Variants in CALB2 observed in about 807,000 individuals in gnomAD.
CALB2 encodes calretinin.
Under a neutral mutation model 45.9 loss-of-function variants are expected in CALB2, and 34 were observed. The observed-to-expected ratio is 0.74, with a 90% CI of 0.56 to 0.99. CALB2 has a LOEUF of 0.99. Ranked by LOEUF, CALB2 falls within the 50% of genes least tolerant of loss-of-function variation. CALB2 has a pLI of 0.00. For missense variants in CALB2, 344 were observed against 339.3 expected (o/e 1.01, Z -0.11); for synonymous variants, 142 against 129.6 (o/e 1.10, Z -0.65).
At chr16:71,360,878 T>G (rs2042231670) in intron 1 of CALB2, among the ~76,000 whole-genome samples, 2 of 152,180 alleles carry the variant, frequency 1.3e-5, no homozygotes, top group Non-Finnish European at 2.9e-5. Context: ...CCAGCGTTTA[T>G]TCTCCCACTC....
intron 3 of CALB2, among the ~76,000 whole-genome samples, chr16:71,375,104 G>C (rs1204223644): frequency 2.0e-5 from 3 of 152,236 alleles, no homozygotes; most frequent in African/African-American, 7.2e-5. Context: ...AAGTGGCAAG[G>C]CCAGCTGAAG....
At chr16:71,388,100 C>T (rs1451555176) in intron 10 of CALB2, among the ~76,000 whole-genome samples, 1 of 151,976 alleles carries the variant, frequency 6.6e-6, no homozygotes, top group Non-Finnish European at 1.5e-5. Flanking sequence ...TTCTTATTAG[C>T]AGAATGGAGA....
At chr16:71,374,030 T>C (rs1359764749) in intron 2 of CALB2, among the ~76,000 whole-genome samples, 5 of 152,206 alleles carry the variant, frequency 3.3e-5, no homozygotes, top group African/African-American at 4.8e-5. Context: ...GGGCTCATCA[T>C]TGATTAGGGA....
At chr16:71,384,494 C>G (rs951869029) in intron 8 of CALB2, 116 bp downstream of exon 8, 2 of 861,234 alleles carry the variant, frequency 2.3e-6, no homozygotes, top group African/African-American at 1.7e-5. Flanking sequence ...ACACACCACA[C>G]ACACACAAAA....
At chr16:71,360,919 A>T (rs1460778126) in intron 1 of CALB2, among the ~76,000 whole-genome samples, 2 of 152,128 alleles carry the variant, frequency 1.3e-5, no homozygotes, top group African/African-American at 4.8e-5. Context: ...GGTTTGGAAG[A>T]GGGTTTTTTT....
At chr16:71,377,510 A>G (rs1354576382) in intron 3 of CALB2, among the ~76,000 whole-genome samples, 157 bp from the exon 4 acceptor site, 1 of 152,144 alleles carries the variant, frequency 6.6e-6, no homozygotes, top group Non-Finnish European at 1.5e-5. Context: ...TTTCCCTTTG[A>G]AGGACTGCCA....
At chr16:71,382,158 A>AGGAAGGAAGGAAGGAAGGAAGG (rs1315524747) in intron 4 of CALB2, among the ~76,000 whole-genome samples, 56 of 52,794 alleles carry the variant, frequency 1.1e-3, no homozygotes, top group African/African-American at 3.8e-3. Context: ...GAAGGAAAGA[A>AGGAAGGAAGGAAGGAAGGAAGG]AATAAAGGAA....
At chr16:71,369,082 C>T (rs2042317688) in intron 1 of CALB2, among the ~76,000 whole-genome samples, 1 of 152,166 alleles carries the variant, frequency 6.6e-6, no homozygotes, top group African/African-American at 2.4e-5. Flanking sequence ...CCTCTGCTCC[C>T]CTAAATCTTT....
chr16:71,380,371 C>T (rs182556285), intron 4 of CALB2, among the ~76,000 whole-genome samples: 2 of 120,740 alleles, frequency 1.7e-5, no homozygotes, highest in African/African-American at 3.1e-5. Context: ...TGCAATGGTG[C>T]GATCTCAGCT....
intron 1 of CALB2, among the ~76,000 whole-genome samples, chr16:71,359,830 G>A (rs2144944499): frequency 6.6e-6 from 1 of 152,336 alleles, no homozygotes; most frequent in African/African-American, 2.4e-5. Flanking sequence ...CACAGACCTG[G>A]CTAAGATGAG....
chr16:71,367,347 G>A (rs1233867799), intron 1 of CALB2, among the ~76,000 whole-genome samples: 2 of 152,130 alleles, frequency 1.3e-5, no homozygotes, highest in African/African-American at 2.4e-5. Context: ...TTGGTGACCA[G>A]TCACCCCACC....
intron 10 of CALB2, chr16:71,389,528 T>A (rs753553413): frequency 1.4e-6 from 1 of 708,004 alleles, no homozygotes; most frequent in South Asian, 1.4e-5. Flanking sequence ...CTCAGGAAGG[T>A]TGACTACCTT....
intron 1 of CALB2, among the ~76,000 whole-genome samples, chr16:71,367,762 A>C (rs2144959349): frequency 6.6e-6 from 1 of 152,288 alleles, no homozygotes; most frequent in Middle Eastern, 3.4e-3. Context: ...TACTGCATTG[A>C]ACCACATTTC....
intron 4 of CALB2, among the ~76,000 whole-genome samples, chr16:71,380,658 C>A (rs1230642215): frequency 1.3e-5 from 2 of 152,102 alleles, no homozygotes; most frequent in Non-Finnish European, 2.9e-5. Flanking sequence ...CCCAGCATAA[C>A]TGCAGAGGAG....
intron 10 of CALB2, 127 bp from the exon 11 acceptor site, chr16:71,389,622 T>G: frequency 2.6e-6 from 2 of 781,032 alleles, no homozygotes; most frequent in Non-Finnish European, 4.6e-6. Context: ...TGCATTCATC[T>G]AAGCCACTTA....
In CALB2 at chr16:71,375,739, G is replaced by A. The variant is rs139054027; in HGVS notation, c.261+905G>A. Reference sequence around the variant, plus strand: ...AGGGGATAGTGCTGTGCAAGGATGCGGTCTCAACTGGAGCCTCGCCTTGGC... The same window carrying A: ...AGGGGATAGTGCTGTGCAAGGATGCAGTCTCAACTGGAGCCTCGCCTTGGC... On this transcript the variant is annotated intron_variant, in intron 3 of 10. Transcript: ENST00000302628. 4.5e-3 allele frequency among the ~76,000 whole-genome samples: 690 copies of A among 152,310 alleles called. 6 individuals carry two copies. The highest frequency in any genetic ancestry group is 0.016 in the African/African-American group (658 of 41,552).
At position 71,363,604 on chromosome 16, in the gene CALB2, T is replaced by C. The variant is rs368751204; in HGVS notation, c.94+4718T>C. Among the ~76,000 whole-genome samples the C allele has an allele frequency of 1.4e-4, 21 of 152,200 alleles. 1 individual carries two copies. The highest frequency in any genetic ancestry group is 4.8e-4 in the African/African-American group (20 of 41,526). On this transcript the variant is annotated intron_variant, in intron 1 of 10. Coordinates refer to ENST00000302628, the MANE Select transcript of CALB2 (RefSeq NM_001740.5). Reference sequence around the variant, plus strand: ...TCACTGCTCATTTGTTTGTCCCTGGTTTAGGGAATGGGGAGGAAATTTAGA... The same window carrying C: ...TCACTGCTCATTTGTTTGTCCCTGGCTTAGGGAATGGGGAGGAAATTTAGA...
chr16:71,366,020 C>CTTTTTTTTTTTTTTTTT (rs2042281945), intron 1 of CALB2, among the ~76,000 whole-genome samples: 5 of 28,872 alleles, frequency 1.7e-4, no homozygotes, highest in Non-Finnish European at 3.6e-4. Context: ...TTCCCTCTCT[C>CTTTTTTTTTTTTTTTTT]TCTCTTTTTT....
intron 3 of CALB2, 152 bp from the exon 4 acceptor site, chr16:71,377,515 C>A (rs906081120): frequency 1.7e-6 from 1 of 605,768 alleles, no homozygotes; most frequent in East Asian, 2.8e-5. Context: ...CTTTGAAGGA[C>A]TGCCAGCACC....
Sources: allele counts gnomAD v4.1 joint callset (sites outside exome capture counted in the v4.1 genomes callset), GRCh38; gene constraint gnomAD v4.1.1; transcripts MANE v1.5; gene names NCBI Gene and HGNC (gene_info 2026-07-23, HGNC 2026-07-21).